ADORA2B: variants seen among roughly 807,000 people sequenced by gnomAD.
The protein encoded by ADORA2B is adenosine receptor A2b.
A neutral mutation model predicts 20.8 loss-of-function variants in ADORA2B; 18 were observed. The observed-to-expected ratio is 0.87, with a 90% confidence interval of 0.60 to 1.29. The LOEUF is 1.29. Ranked by LOEUF, ADORA2B falls within the 50% of genes most tolerant of loss-of-function variation. ADORA2B has a pLI of 0.00. For synonymous variants in ADORA2B, 179 were observed against 178.3 expected, an observed-to-expected ratio of 1.00 and a Z score of -0.03; for missense variants, 441 against 422.7, an observed-to-expected ratio of 1.04 and a Z score of -0.38.
At chr17:15,876,449 CT>C in the ADORA2B span, among the ~76,000 whole-genome samples, 35,655 of 118,940 alleles carry the variant, frequency 0.3, 4,383 homozygotes, top group African/African-American at 0.45. Context: ...TTTCTTTTTT[CT>C]TTTTTTTTTT....
the ADORA2B span, chr17:15,850,389 C>T: frequency 2.6e-5 from 4 of 152,176 alleles, no homozygotes; most frequent in African/African-American, 7.2e-5. Context: ...CTCCACTCAG[C>T]TAACTCCTCC....
At chr17:15,956,111 C>T (rs1418588001) in intron 1 of ADORA2B, among the ~76,000 whole-genome samples, 7 of 152,330 alleles carry the variant, frequency 4.6e-5, no homozygotes, top group South Asian at 2.1e-4. Context: ...AGAGTTTCTT[C>T]GCTTTTTTTC....
the ADORA2B span, among the ~76,000 whole-genome samples, chr17:15,892,245 T>G: frequency 6.6e-6 from 1 of 152,162 alleles, no homozygotes; most frequent in African/African-American, 2.4e-5. Context: ...CTAGGCTCAC[T>G]GCAACCTCTG....
the ADORA2B span, among the ~76,000 whole-genome samples, chr17:15,876,719 T>C: frequency 6.6e-6 from 1 of 152,106 alleles, no homozygotes; most frequent in Non-Finnish European, 1.5e-5. Context: ...TCTGCTATCT[T>C]TTTTTTGTTT....
chr17:15,854,031 C>T, the ADORA2B span, among the ~76,000 whole-genome samples: 1 of 152,228 alleles, frequency 6.6e-6, no homozygotes, highest in Non-Finnish European at 1.5e-5. Context: ...TCCTGGCTCA[C>T]CGCAACCTCC....
At chr17:15,892,030 T>G in the ADORA2B span, among the ~76,000 whole-genome samples, 4 of 150,870 alleles carry the variant, frequency 2.7e-5, no homozygotes, top group African/African-American at 9.7e-5. Context: ...TTTTTTTTTT[T>G]TTGTACTTTT....
chr17:15,857,929 T>G, the ADORA2B span, among the ~76,000 whole-genome samples: 6 of 139,484 alleles, frequency 4.3e-5, no homozygotes, highest in Admixed American at 1.4e-4. Flanking sequence ...ATTTCCTTTT[T>G]ATGGGTGAAT....
the ADORA2B span, among the ~76,000 whole-genome samples, chr17:15,859,651 C>A: frequency 0.082 from 12,402 of 151,994 alleles, 1,415 homozygotes; most frequent in African/African-American, 0.25. Context: ...TGGTCCTTTA[C>A]GAAATATCAT....
chr17:15,871,108 C>A, the ADORA2B span, among the ~76,000 whole-genome samples: 1 of 152,190 alleles, frequency 6.6e-6, no homozygotes, highest in African/African-American at 2.4e-5. Flanking sequence ...CTGTCATGAG[C>A]CAGTGTGCTT....
At chr17:15,944,826 A>G (rs1477130465), upstream of ADORA2B, 1 of 153,774 alleles carries the variant, frequency 6.5e-6, no homozygotes, top group Non-Finnish European at 1.4e-5. The surrounding 1 kb of genome is among the most constrained non-coding windows in gnomAD (Gnocchi z 4.8). Flanking sequence ...CGCCCCGGGC[A>G]GAGCCCGGCC....
chr17:15,898,584 G>C, the ADORA2B span, among the ~76,000 whole-genome samples: 1 of 151,826 alleles, frequency 6.6e-6, no homozygotes, highest in African/African-American at 2.4e-5. Flanking sequence ...GGCCAGGCTG[G>C]TCTCGAACTC....
rs1275787910 is a variant in ADORA2B, at chr17:15,955,814, G to A, written c.335+10231G>A. Among the ~76,000 whole-genome samples, 8 of 151,996 alleles carry A rather than the reference G, an allele frequency of 5.3e-5. No homozygotes were observed. The East Asian group carries it at 1.5e-3, about 29-fold the overall frequency. On this transcript the variant is annotated intron_variant, in intron 1 of 1. Transcript: ENST00000304222. ...GCTCACTGCAACTTTCACCTCCCGG[G>A]TTCAAGTGATTCTCCTGCCTCAGCC...
chr17:15,930,653 A>G, the ADORA2B span, among the ~76,000 whole-genome samples: 1,395 of 152,264 alleles, frequency 9.2e-3, 30 homozygotes, highest in African/African-American at 0.032. Context: ...AGACATTTGA[A>G]TTTCCAAGGG....
At chr17:15,879,343 C>T in the ADORA2B span, among the ~76,000 whole-genome samples, 2 of 151,756 alleles carry the variant, frequency 1.3e-5, no homozygotes, top group Non-Finnish European at 2.9e-5. Context: ...GTCTCAGGTA[C>T]TTGTGAGGCT....
At chr17:15,894,930 G>T in the ADORA2B span, among the ~76,000 whole-genome samples, 10 of 152,196 alleles carry the variant, frequency 6.6e-5, no homozygotes, top group African/African-American at 2.2e-4. Context: ...GGATAGTGGG[G>T]AGGGGAGAGA....
At chr17:15,936,539 C>G in the ADORA2B span, among the ~76,000 whole-genome samples, 1 of 152,136 alleles carries the variant, frequency 6.6e-6, no homozygotes, top group African/African-American at 2.4e-5. Context: ...AGGCTGGTCT[C>G]AAACTCCTGA....
the ADORA2B span, among the ~76,000 whole-genome samples, chr17:15,931,068 G>A: frequency 6.6e-6 from 1 of 152,204 alleles, no homozygotes; most frequent in African/African-American, 2.4e-5. Flanking sequence ...TGTAGTCCCA[G>A]TGTTTTGGGA....
At chr17:15,927,497 A>AT in the ADORA2B span, among the ~76,000 whole-genome samples, 1 of 151,362 alleles carries the variant, frequency 6.6e-6, no homozygotes, top group African/African-American at 2.4e-5. Context: ...AAAAAAAAAA[A>AT]TTTGCTGGGT....
the ADORA2B span, among the ~76,000 whole-genome samples, chr17:15,909,014 G>A: frequency 6.6e-6 from 1 of 151,934 alleles, no homozygotes; most frequent in African/African-American, 2.4e-5. Flanking sequence ...AAATACCCTG[G>A]CTTTTGCCTT....
Sources: allele counts gnomAD v4.1 joint callset (sites outside exome capture counted in the v4.1 genomes callset), GRCh38; gene constraint gnomAD v4.1.1; non-coding constraint Gnocchi (gnomAD v3.1); transcripts MANE v1.5; gene names NCBI Gene and HGNC (gene_info 2026-07-23, HGNC 2026-07-21).